Variants in SMPD3 observed in about 807,000 individuals in gnomAD.
The protein encoded by SMPD3 is sphingomyelin phosphodiesterase 3.
SMPD3 carries 21 observed loss-of-function variants against 55.7 expected under a neutral mutation model. That is an observed-to-expected ratio of 0.38 (90% CI 0.27 to 0.54). The LOEUF (loss-of-function observed/expected upper bound fraction) is 0.54. Among genes scored for constraint, SMPD3 ranks in the 20% least tolerant of loss-of-function variants. SMPD3 has a pLI of 0.80. For missense variants in SMPD3, 842 were observed against 899.6 expected (o/e 0.94, Z 0.82); for synonymous variants, 457 against 404.3 (o/e 1.13, Z -1.56).
intron 2 of SMPD3, among the ~76,000 whole-genome samples, chr16:68,376,043 A>G (rs918991983): frequency 4.6e-5 from 7 of 152,210 alleles, no homozygotes; most frequent in Non-Finnish European, 8.8e-5. Flanking sequence ...ATTGCCACCC[A>G]TGGAGAAACC....
intron 1 of SMPD3, among the ~76,000 whole-genome samples, chr16:68,428,486 A>G (rs1373006386): frequency 6.6e-6 from 1 of 152,214 alleles, no homozygotes; most frequent in Non-Finnish European, 1.5e-5. Context: ...AGCTTGCTCC[A>G]GAAGGGACTT....
chr16:68,421,020 AC>A (rs1182944900), intron 1 of SMPD3, among the ~76,000 whole-genome samples: 2 of 152,168 alleles, frequency 1.3e-5, no homozygotes, highest in African/African-American at 4.8e-5. Context: ...GTCCTTCCAG[AC>A]TTCAGAACAA....
chr16:68,385,404 G>A (rs1261154743), intron 2 of SMPD3, among the ~76,000 whole-genome samples: 2 of 152,058 alleles, frequency 1.3e-5, no homozygotes, highest in African/African-American at 2.4e-5. Flanking sequence ...GATCCCCCTC[G>A]ATTCCCACAA....
chr16:68,434,047 C>A (rs1402087150), intron 1 of SMPD3, among the ~76,000 whole-genome samples: 2 of 152,108 alleles, frequency 1.3e-5, no homozygotes, highest in African/African-American at 2.4e-5. Context: ...TTGAAAACTG[C>A]TATTATAATT....
Position 68,371,948 on chromosome 16 carries a change from C to T in SMPD3, c.234G>A (p.Ala78=), listed in dbSNP as rs147838351. The change falls in exon 3 of 9, where the codon GCG becomes GCA. Residue 78 remains alanine (A), a synonymous_variant. Coordinates refer to ENST00000219334, the MANE Select transcript of SMPD3 (RefSeq NM_018667.4). ...LALLVASLPF[A]FLGFLFWSPL... ...GGGACCAGAAGAGAAAGCCGAGAAA[C>T]GCAAAGGGCAGCGAGGCCACCAGGA... The T allele has an allele frequency of 5.1e-5, 83 of 1,612,062 alleles. No individual in the cohort carries two copies. In the South Asian group the frequency reaches 7.0e-4, roughly 14 times the overall value.
At chr16:68,410,817 G>A (rs535691152) in intron 1 of SMPD3, among the ~76,000 whole-genome samples, 234 of 152,344 alleles carry the variant, frequency 1.5e-3, no homozygotes, top group Middle Eastern at 0.01. Flanking sequence ...AGTAATTTAG[G>A]TAAAATAAAG....
intron 5 of SMPD3, chr16:68,364,326 G>A (rs2089409880): frequency 4.5e-6 from 1 of 223,618 alleles, no homozygotes; most frequent in Non-Finnish European, 8.8e-6. Context: ...TGGTTCTCCA[G>A]CCTCTCTGAG....
At chr16:68,413,845 C>A (rs1446818221) in intron 1 of SMPD3, among the ~76,000 whole-genome samples, 1 of 152,168 alleles carries the variant, frequency 6.6e-6, no homozygotes. Flanking sequence ...TGCTACACAC[C>A]AAATATAAAA....
At chr16:68,411,456 T>G (rs1006478315) in intron 1 of SMPD3, among the ~76,000 whole-genome samples, 1 of 152,188 alleles carries the variant, frequency 6.6e-6, no homozygotes, top group Non-Finnish European at 1.5e-5. Context: ...TCTTGATTCC[T>G]GCTTAGGGCC....
intron 1 of SMPD3, among the ~76,000 whole-genome samples, chr16:68,387,290 T>C (rs962056359): frequency 3.9e-5 from 6 of 151,966 alleles, no homozygotes; most frequent in Non-Finnish European, 8.8e-5. Context: ...GTGGGACACT[T>C]TGTGAACCCA....
intron 3 of SMPD3, 77 bp downstream of exon 3, chr16:68,370,782 C>A: frequency 6.4e-7 from 1 of 1,563,082 alleles, no homozygotes; most frequent in African/African-American, 1.4e-5. Flanking sequence ...ATGAGGACTC[C>A]CCGCTGCAGC....
At chr16:68,409,373 C>T (rs1029006629) in intron 1 of SMPD3, among the ~76,000 whole-genome samples, 5 of 152,164 alleles carry the variant, frequency 3.3e-5, no homozygotes, top group Non-Finnish European at 4.4e-5. Context: ...GAGTCTTACA[C>T]GCCTGACTCG....
chr16:68,361,269 G>A lies in SMPD3; in HGVS notation c.1905C>T (p.Gly635=). The A allele has an allele frequency of 6.2e-7, 1 of 1,612,478 alleles. No homozygotes were observed. Among genetic ancestry groups the A allele is most frequent in the Non-Finnish European group, 8.5e-7 (1 of 1,179,470 alleles). ...TGGCTACTGGCAGGTGGTCCGTCAG[G>A]CCGGACAGCTGGGTGATAAAACTGA... ...EEFSFITQLS[G]LTDHLPVAMR... Residue 635 remains glycine, a synonymous_variant, in exon 9 of 9, where the codon GGC becomes GGT. Coordinates refer to ENST00000219334, the MANE Select transcript of SMPD3 (RefSeq NM_018667.4).
intron 1 of SMPD3, among the ~76,000 whole-genome samples, chr16:68,392,754 A>G (rs1249455552): frequency 2.8e-5 from 4 of 142,144 alleles, no homozygotes; most frequent in Admixed American, 1.5e-4. Flanking sequence ...CCAGTTACTC[A>G]GGAGGCTGAG....
At position 68,358,456 on chromosome 16, in the gene SMPD3, C is replaced by G. The variant is rs769001258; in HGVS notation, c.*2750G>C. Reference sequence around the variant, plus strand: ...ACTTGTTTTTCTTCTAGGGAAGAACCGTCTGGATATATATTTGATAATGTT... The same window carrying G: ...ACTTGTTTTTCTTCTAGGGAAGAACGGTCTGGATATATATTTGATAATGTT... On this transcript the variant is annotated 3_prime_UTR_variant, in exon 9 of 9. Transcript: ENST00000219334. 1.3e-5 allele frequency: 2 copies of G among 152,602 alleles called. No homozygotes were observed. The highest frequency in any genetic ancestry group is 2.4e-5 in the African/African-American group (1 of 41,438). 9.5% of individuals were successfully genotyped at this position (152,602 alleles called of 1,614,324 possible). A position where few individuals can be genotyped will look rare whatever the true frequency, so the allele number is the denominator to read the frequency against.
chr16:68,435,740 A>G (rs2090518434), intron 1 of SMPD3, among the ~76,000 whole-genome samples: 1 of 152,234 alleles, frequency 6.6e-6, no homozygotes, highest in Admixed American at 6.5e-5. Context: ...CCTGACTCGG[A>G]CAAAGCTTTC....
Position 68,435,590 on chromosome 16 carries a change from C to T in SMPD3, c.-269+12763G>A, listed in dbSNP as rs983383124. 2.8e-5 allele frequency among the ~76,000 whole-genome samples: 4 copies of T among 142,862 alleles called. No homozygotes were observed. In the East Asian group the frequency reaches 7.3e-4, roughly 26 times the overall value. 93.7% of individuals were successfully genotyped at this position (142,862 alleles called of 152,430 possible). A position where few individuals can be genotyped will look rare whatever the true frequency, so the allele number is the denominator to read the frequency against. On this transcript the variant is annotated intron_variant, in intron 1 of 8. Transcript: ENST00000219334. ...GAAGGGCTGGGGCCTGGGAAAGGCA[C>T]GGTGGGGGCTGGCTGGGGTGGGAGG...
chr16:68,409,429 T>G (rs1373385032), intron 1 of SMPD3, among the ~76,000 whole-genome samples: 1 of 152,142 alleles, frequency 6.6e-6, no homozygotes, highest in Non-Finnish European at 1.5e-5. Flanking sequence ...CTGCCAGAGT[T>G]GGGATTTGGG....
At chr16:68,435,506 G>T (rs2090516058) in intron 1 of SMPD3, among the ~76,000 whole-genome samples, 1 of 151,848 alleles carries the variant, frequency 6.6e-6, no homozygotes, top group Non-Finnish European at 1.5e-5. Context: ...TATTCAAGTT[G>T]GTTGCTCCCC....
Sources: gnomAD v4.1 joint callset for allele counts (sites outside exome capture counted in the v4.1 genomes callset) on GRCh38, gnomAD v4.1.1 for gene constraint, MANE v1.5 for transcripts, NCBI Gene and HGNC (gene_info 2026-07-23, HGNC 2026-07-21) for gene names.